Variants in NPTN observed in about 807,000 individuals in gnomAD.
The protein encoded by NPTN is SDR-1.
Under a neutral mutation model 42.7 loss-of-function variants are expected in NPTN, and 5 were observed. That is an observed-to-expected ratio of 0.12 (90% CI 0.06 to 0.25). NPTN has a LOEUF of 0.25. Ranked by LOEUF, NPTN falls within the 10% of genes least tolerant of loss-of-function variation. NPTN has a pLI of 1.00. For missense variants in NPTN, 307 were observed against 525.4 expected, an observed-to-expected ratio of 0.58 and a Z score of 4.06; for synonymous variants, 180 against 201.9, an observed-to-expected ratio of 0.89 and a Z score of 0.92.
intron 7 of NPTN, 131 bp downstream of exon 7, chr15:73,563,105 A>C (rs918547285): frequency 1.5e-6 from 1 of 687,828 alleles, no homozygotes; most frequent in African/African-American, 1.8e-5. Flanking sequence ...TCAAGCTAAG[A>C]AATCTACACT....
chr15:73,610,117 G>A (rs1481109308), intron 1 of NPTN, among the ~76,000 whole-genome samples: 3 of 150,392 alleles, frequency 2.0e-5, no homozygotes, highest in East Asian at 2.0e-4. Context: ...ACAGGGTCTC[G>A]CTCTTGTCAC....
At chr15:73,614,618 C>T (rs1385972346) in intron 1 of NPTN, among the ~76,000 whole-genome samples, 1 of 152,176 alleles carries the variant, frequency 6.6e-6, no homozygotes, top group East Asian at 1.9e-4. Context: ...TGTTTCCCCA[C>T]AGTGCCTTGC....
At chr15:73,610,199 A>G (rs1166302719) in intron 1 of NPTN, among the ~76,000 whole-genome samples, 1 of 151,222 alleles carries the variant, frequency 6.6e-6, no homozygotes, top group Admixed American at 6.6e-5. Context: ...CAATCCTCCC[A>G]CCTCAGCCTC....
At position 73,560,122 on chromosome 15, in the gene NPTN, G is replaced by A. The variant is rs377536307; in HGVS notation, c.*941C>T. 9 of 450,050 alleles carry A rather than the reference G, an allele frequency of 2.0e-5. No individual in the cohort carries two copies. Among genetic ancestry groups the A allele is most frequent in the Admixed American group, 4.5e-5 (1 of 22,240 alleles). 27.9% of individuals were successfully genotyped at this position (450,050 alleles called of 1,614,324 possible). A position where few individuals can be genotyped will look rare whatever the true frequency, so the allele number is the denominator to read the frequency against. ...CACAAGTACATGCATCTACAATTAC[G>A]CACCGCATGAGAACCGTTAGGTTAT... On this transcript the variant is annotated 3_prime_UTR_variant, in exon 9 of 9. Transcript: ENST00000345330.
rs543264635 is a variant in NPTN at position 73,617,745 on chromosome 15, A to C, written c.91+15380T>G. Among the ~76,000 whole-genome samples, 10 of 152,370 alleles carry C rather than the reference A, an allele frequency of 6.6e-5. No individual in the cohort carries two copies. In the South Asian group the frequency reaches 2.1e-3, roughly 32 times the overall value. The stretch of plus-strand genomic sequence containing the variant: ...TCCACTCAAACTCCCATTCGGCTTT[A>C]CAAAGCTGCTGAAATACACACACGT... On this transcript the variant is annotated intron_variant, in intron 1 of 8. Coordinates refer to ENST00000345330, the MANE Select transcript of NPTN (RefSeq NM_012428.4).
At chr15:73,615,094 A>G (rs1270380812) in intron 1 of NPTN, among the ~76,000 whole-genome samples, 1 of 152,068 alleles carries the variant, frequency 6.6e-6, no homozygotes, top group Admixed American at 6.5e-5. Context: ...CTAGGTCTAA[A>G]AGAGATGGAT....
intron 5 of NPTN, among the ~76,000 whole-genome samples, chr15:73,571,896 A>G (rs1207176336): frequency 6.6e-6 from 1 of 152,216 alleles, no homozygotes; most frequent in Non-Finnish European, 1.5e-5. Context: ...TGATGCCTCA[A>G]GCTTCATCTT....
rs1395120109 is a variant in NPTN at position 73,597,388 on chromosome 15, G to C, written c.92-19C>G. 6.3e-7 allele frequency: 1 copy of C among 1,575,046 alleles called. No individual in the cohort carries two copies. The highest frequency in any genetic ancestry group is 1.7e-5 in the Admixed American group (1 of 58,432). On this transcript the variant is annotated intron_variant, in intron 1 of 8. Coordinates refer to ENST00000345330, the MANE Select transcript of NPTN (RefSeq NM_012428.4). This position sits in a 1 kb window ranked among gnomAD's most constrained non-coding sequence, Gnocchi z 6.3. ...AACCCAGCTAGAGGGAGGGGGAGCA[G>C]GAATGCAGTGACAGGCCAATCAGAA...
chr15:73,604,066 T>C lies in NPTN; in HGVS notation c.92-6697A>G, dbSNP rs1029890815. ...GGATCTCCCTCAACAAAAACTTTCA[T>C]TCAGTCCTGTTGCCAATTCCTACTG... On this transcript the variant is annotated intron_variant, in intron 1 of 8. Coordinates refer to ENST00000345330, the MANE Select transcript of NPTN (RefSeq NM_012428.4). Among the ~76,000 whole-genome samples the C allele has an allele frequency of 3.9e-5, 6 of 152,146 alleles. No homozygotes were observed. The East Asian group carries it at 1.2e-3, about 29-fold the overall frequency.
chr15:73,608,237 A>G (rs1248598173), intron 1 of NPTN, among the ~76,000 whole-genome samples: 2 of 152,236 alleles, frequency 1.3e-5, no homozygotes, highest in East Asian at 3.8e-4. Context: ...TTGTTCCTAA[A>G]CAGATTTCAA....
chr15:73,597,167 C>G lies in NPTN; in HGVS notation c.294G>C (p.Val98=). The G allele has an allele frequency of 1.2e-6, 2 of 1,614,182 alleles. No homozygotes were observed. Among genetic ancestry groups the G allele is most frequent in the South Asian group, 2.2e-5 (2 of 91,086 alleles). Residue 98 remains valine (V), a synonymous_variant, in exon 2 of 9, where the codon GTG becomes GTC. Transcript: ENST00000345330. This position sits in a 1 kb window ranked among gnomAD's most constrained non-coding sequence, Gnocchi z 6.3. Reference sequence around the variant, plus strand: ...TGAGCCGGGTTATTCTCAGCACACTCACGCCGTTTGACCCGTAGGCGGTGT... The same window carrying G: ...TGAGCCGGGTTATTCTCAGCACACTGACGCCGTTTGACCCGTAGGCGGTGT... The part of the protein sequence containing the change: ...TVNTAYGSNG[V]SVLRITRLTL...
At chr15:73,564,970 C>T (rs1279431866) in intron 6 of NPTN, among the ~76,000 whole-genome samples, 1 of 152,212 alleles carries the variant, frequency 6.6e-6, no homozygotes, top group East Asian at 1.9e-4. Context: ...AAGCATGACA[C>T]TGTAGGCACC....
intron 3 of NPTN, 97 bp downstream of exon 3, chr15:73,591,869 C>T (rs1896602375): frequency 8.4e-7 from 1 of 1,189,594 alleles, no homozygotes; most frequent in South Asian, 1.5e-5. Context: ...AAATATATCT[C>T]ATGTCCCTTC....
At chr15:73,631,041 T>C (rs1566995939) in intron 1 of NPTN, among the ~76,000 whole-genome samples, 1 of 152,242 alleles carries the variant, frequency 6.6e-6, no homozygotes. Context: ...GGCCGTTCTA[T>C]GCTGTATTTA....
intron 1 of NPTN, among the ~76,000 whole-genome samples, chr15:73,622,496 T>C (rs1595970141): frequency 6.7e-6 from 1 of 149,112 alleles, no homozygotes; most frequent in Admixed American, 6.6e-5. Context: ...GGGAGAATTG[T>C]TTTAAAAAAA....
rs1894603231 is a variant in NPTN, at chr15:73,560,582, C to CA, written c.*480dup. 6.6e-6 allele frequency: 1 copy of CA among 150,800 alleles called. No individual in the cohort carries two copies. The highest frequency in any genetic ancestry group is 6.6e-5 in the Admixed American group (1 of 15,080). 9.3% of individuals were successfully genotyped at this position (150,800 alleles called of 1,614,324 possible). A position where few individuals can be genotyped will look rare whatever the true frequency, so the allele number is the denominator to read the frequency against. On this transcript the variant is annotated 3_prime_UTR_variant, in exon 9 of 9. Transcript: ENST00000345330. ...ATCAGCAGCTTAAAAATGAAACAAG[C>CA]ATTTACTTTATTTTGGATTTCTCCC...
chr15:73,606,851 C>A lies in NPTN; in HGVS notation c.92-9482G>T, dbSNP rs142426549. 5.3e-5 allele frequency among the ~76,000 whole-genome samples: 8 copies of A among 152,292 alleles called. No homozygotes were observed. The East Asian group carries it at 1.5e-3, about 29-fold the overall frequency. The stretch of plus-strand genomic sequence containing the variant: ...GTAGGCTTCTGAACCTTCTCCTAGG[C>A]CCATCTGTGAACTTCCTTGTAAAAT... On this transcript the variant is annotated intron_variant, in intron 1 of 8. Transcript: ENST00000345330.
chr15:73,588,871 G>C (rs1896448348), intron 3 of NPTN, among the ~76,000 whole-genome samples: 1 of 152,208 alleles, frequency 6.6e-6, no homozygotes, highest in South Asian at 2.1e-4. Context: ...TATGTGGATA[G>C]GCACTGTTTA....
intron 4 of NPTN, among the ~76,000 whole-genome samples, chr15:73,577,502 GAACT>G (rs1391235692): frequency 2.0e-5 from 3 of 152,198 alleles, no homozygotes; most frequent in African/African-American, 7.2e-5. Context: ...GGCGCAGGCT[GAACT>G]AACTTTGGGA....
Sources: allele counts gnomAD v4.1 joint callset (sites outside exome capture counted in the v4.1 genomes callset), GRCh38; gene constraint gnomAD v4.1.1; non-coding constraint Gnocchi (gnomAD v3.1); transcripts MANE v1.5; gene names NCBI Gene and HGNC (gene_info 2026-07-23, HGNC 2026-07-21).